The following B3GAT1 variants were observed in gnomAD, a reference collection of about 807,000 sequenced individuals.
B3GAT1 encodes the protein galactosylgalactosylxylosylprotein 3-beta-glucuronosyltransferase 1.
A neutral mutation model predicts 28.4 loss-of-function variants in B3GAT1; 11 were observed. The observed-to-expected ratio is 0.39, with a 90% CI of 0.24 to 0.64. The LOEUF (loss-of-function observed/expected upper bound fraction) is 0.64. Ranked by LOEUF, B3GAT1 falls within the 30% of genes least tolerant of loss-of-function variation. The pLI is 0.50. For missense variants in B3GAT1, 375 were observed against 491.0 expected, an observed-to-expected ratio of 0.76 and a Z score of 2.23; for synonymous variants, 255 against 223.1, an observed-to-expected ratio of 1.14 and a Z score of -1.27.
chr11:134,388,034 G>A (rs1944333203), intron 1 of B3GAT1, 94 bp from the exon 2 acceptor site: 2 of 456,658 alleles, frequency 4.4e-6, no homozygotes, highest in Admixed American at 2.5e-5. Flanking sequence ...ACAGCATCGG[G>A]GGTTCCACAA....
At chr11:134,382,392 CATGT>C (rs1944152224) in intron 4 of B3GAT1, among the ~76,000 whole-genome samples, 1 of 137,968 alleles carries the variant, frequency 7.2e-6, no homozygotes, top group African/African-American at 2.5e-5. Context: ...TATATGTGTG[CATGT>C]GTGTGCATCT....
chr11:134,384,173 G>C lies in B3GAT1; in HGVS notation c.128C>G (p.Pro43Arg). ...GGCGCCGGGCGGCGTTTCGCGTCGG[G>C]GGTCACTGCCCTCATCTGCGGAGTC... is the stretch of plus-strand genomic sequence containing the variant. ...LAVHKDEGSD[P>R]RRETPPGADP... is the part of the protein sequence containing the mutation. Residue 43 changes from proline to arginine, a missense_variant, in exon 3 of 6, where the codon CCC (proline) becomes CGC (arginine). Pro to Arg is a moderately radical substitution (Grantham distance 103, BLOSUM62 -2). Coordinates refer to ENST00000312527, the MANE Select transcript of B3GAT1 (RefSeq NM_054025.3). 1.3e-6 allele frequency: 2 copies of C among 1,545,706 alleles called. No individual in the cohort carries two copies. Among genetic ancestry groups the C allele is most frequent in the Non-Finnish European group, 1.7e-6 (2 of 1,146,556 alleles).
intron 2 of B3GAT1, 104 bp from the exon 3 acceptor site, chr11:134,384,292 C>T (rs983772762): frequency 1.4e-6 from 2 of 1,392,366 alleles, no homozygotes; most frequent in East Asian, 2.5e-5. Context: ...CCTCCTCCCC[C>T]GCTGCAGGGG....
Position 134,387,959 on chromosome 11 carries a change from G to A in B3GAT1, c.-281-19C>T. On this transcript the variant is annotated intron_variant, in intron 1 of 5. Transcript: ENST00000312527. ...TGGACACCTGCAAGAGAGAGCAGAA[G>A]CGGATAGCCAGAGACCCAGGTATAG... 8.8e-7 allele frequency: 1 copy of A among 1,134,900 alleles called. No individual in the cohort carries two copies. Among genetic ancestry groups the A allele is most frequent in the Non-Finnish European group, 1.2e-6 (1 of 813,524 alleles). The allele number at this position is 1,134,900 out of a possible 1,614,324, so 70.3% of individuals were successfully genotyped here. A position where few individuals can be genotyped will look rare whatever the true frequency, so the allele number is the denominator to read the frequency against.
At chr11:134,384,889 C>T (rs1233346220) in intron 2 of B3GAT1, 1 of 152,204 alleles carries the variant, frequency 6.6e-6, no homozygotes, top group Non-Finnish European at 1.5e-5. Context: ...CATTGGGATT[C>T]TTGTTTTCCA....
chr11:134,405,995 A>G (rs1435767996), intron 1 of B3GAT1, among the ~76,000 whole-genome samples: 3 of 152,188 alleles, frequency 2.0e-5, no homozygotes, highest in Admixed American at 6.5e-5. Flanking sequence ...AGGTGAGGAA[A>G]CGCTCATGCA....
Position 134,412,226 on chromosome 11 carries a change from G to A in B3GAT1, c.-701C>T, listed in dbSNP as rs1302654258. On this transcript the variant is annotated 5_prime_UTR_variant, in exon 1 of 6. Coordinates refer to ENST00000312527, the MANE Select transcript of B3GAT1 (RefSeq NM_054025.3). The stretch of plus-strand genomic sequence containing the variant: ...TCCCCGAGGTGGCGGCGGATGCGCC[G>A]GTGCCGCCGCGGCTCTGCCGGCGCC... Among the ~76,000 whole-genome samples the A allele has an allele frequency of 6.9e-6, 1 of 145,250 alleles. No individual in the cohort carries two copies. Among genetic ancestry groups the A allele is most frequent in the Non-Finnish European group, 1.5e-5 (1 of 65,436 alleles).
At chr11:134,396,731 CG>C (rs1944511545) in intron 1 of B3GAT1, among the ~76,000 whole-genome samples, 1 of 152,124 alleles carries the variant, frequency 6.6e-6, no homozygotes, top group African/African-American at 2.4e-5. Flanking sequence ...CGGGTCTGCT[CG>C]GCCTGGCTTC....
chr11:134,388,349 C>G (rs189697515), intron 1 of B3GAT1: 16 of 169,368 alleles, frequency 9.4e-5, no homozygotes, highest in Non-Finnish European at 1.6e-4. Context: ...AGGGTAACTC[C>G]CGTGCAGCCC....
At chr11:134,401,264 G>A (rs1010567685) in intron 1 of B3GAT1, among the ~76,000 whole-genome samples, 18 of 151,162 alleles carry the variant, frequency 1.2e-4, no homozygotes, top group African/African-American at 3.7e-4. Context: ...TCGTTTTACC[G>A]TGAAGACACA....
chr11:134,409,271 C>A (rs895212449), intron 1 of B3GAT1, among the ~76,000 whole-genome samples: 1 of 152,174 alleles, frequency 6.6e-6, no homozygotes, highest in Non-Finnish European at 1.5e-5. Context: ...TCCATGTCCC[C>A]TGGCTAGTCT....
At position 134,382,920 on chromosome 11, in the gene B3GAT1, C is replaced by T. The variant is rs1328449304; in HGVS notation, c.708G>A (p.Gly236=). 1.5e-5 allele frequency: 24 copies of T among 1,612,510 alleles called. No individual in the cohort carries two copies. Among genetic ancestry groups the T allele is most frequent in the Non-Finnish European group, 1.7e-5 (20 of 1,179,382 alleles). ...ACACCGTCTTCCAGCCGACCACCTT[C>T]CCTGCCCCGTTCACCCGTGGGGCCT... The part of the protein sequence containing the change: ...RYEAPRVNGA[G]KVVGWKTVFD... The change falls in exon 4 of 6, where the codon GGG becomes GGA. Residue 236 remains glycine, a synonymous_variant. Coordinates refer to ENST00000312527, the MANE Select transcript of B3GAT1 (RefSeq NM_054025.3).
In B3GAT1 at chr11:134,411,641, C is replaced by G. The variant is rs1387757752; in HGVS notation, c.-282+166G>C. Among the ~76,000 whole-genome samples the G allele has an allele frequency of 6.6e-6, 1 of 151,846 alleles. No individual in the cohort carries two copies. Among genetic ancestry groups the G allele is most frequent in the East Asian group, 2.0e-4 (1 of 5,124 alleles). On this transcript the variant is annotated intron_variant, in intron 1 of 5. Coordinates refer to ENST00000312527, the MANE Select transcript of B3GAT1 (RefSeq NM_054025.3). The surrounding 1 kb of genome is among the most constrained non-coding windows in gnomAD (Gnocchi z 6.0). ...CCAGCCCGAGCTCGGTTCTCGGCCC[C>G]CTTTCCAGCTGCCCCCAGCGCGCGC...
intron 1 of B3GAT1, among the ~76,000 whole-genome samples, chr11:134,399,919 G>A (rs1944577475): frequency 6.6e-6 from 1 of 152,198 alleles, no homozygotes; most frequent in African/African-American, 2.4e-5. Flanking sequence ...CAAGGCTTGG[G>A]TTAGCTGAAA....
intron 1 of B3GAT1, among the ~76,000 whole-genome samples, chr11:134,395,020 G>A (rs1185059746): frequency 6.6e-6 from 1 of 152,196 alleles, no homozygotes; most frequent in Non-Finnish European, 1.5e-5. Context: ...CTAACTGCAG[G>A]AATCTCAACC....
chr11:134,404,604 T>G lies in B3GAT1; in HGVS notation c.-282+7203A>C, dbSNP rs575941148. ...CTGTGTGTGATCTCAAGCATGCACC[T>G]TCCTGGGAATCACGGGGTGACAGGC... is the stretch of plus-strand genomic sequence containing the variant. On this transcript the variant is annotated intron_variant, in intron 1 of 5. Coordinates refer to ENST00000312527, the MANE Select transcript of B3GAT1 (RefSeq NM_054025.3). Among the ~76,000 whole-genome samples, 183 of 152,292 alleles carry G rather than the reference T, an allele frequency of 1.2e-3. 3 individuals carry two copies. The highest frequency in any genetic ancestry group is 4.2e-3 in the African/African-American group (176 of 41,574).
chr11:134,405,293 C>T (rs977885890), intron 1 of B3GAT1, among the ~76,000 whole-genome samples: 2 of 152,156 alleles, frequency 1.3e-5, no homozygotes, highest in African/African-American at 4.8e-5. Context: ...CCATCAGCTA[C>T]GGGGACCCAG....
At chr11:134,387,441 T>C in intron 2 of B3GAT1, 107 bp downstream of exon 2, 3 of 1,443,142 alleles carry the variant, frequency 2.1e-6, no homozygotes, top group Non-Finnish European at 2.8e-6. Context: ...GATCCCGTGG[T>C]TCCTCCTAGC....
At chr11:134,402,588 C>A (rs536960233) in intron 1 of B3GAT1, among the ~76,000 whole-genome samples, 45 of 152,248 alleles carry the variant, frequency 3.0e-4, no homozygotes, top group Admixed American at 7.2e-4. Flanking sequence ...TCAGCTAACC[C>A]CCCTGCCTGA....
Sources: gnomAD v4.1 joint callset for allele counts (sites outside exome capture counted in the v4.1 genomes callset) on GRCh38, gnomAD v4.1.1 for gene constraint, Gnocchi (gnomAD v3.1) non-coding constraint, MANE v1.5 for transcripts, NCBI Gene and HGNC (gene_info 2026-07-23, HGNC 2026-07-21) for gene names.